RRN3: variants seen among roughly 807,000 people sequenced by gnomAD.
RRN3 encodes RNA polymerase I-specific transcription initiation factor RRN3.
Under a neutral mutation model 82.3 loss-of-function variants are expected in RRN3, and 38 were observed. That is an observed-to-expected ratio of 0.46 (90% CI 0.36 to 0.61). RRN3 has a LOEUF of 0.61. RRN3 is among the 20% of genes least tolerant of loss of function. RRN3 has a pLI of 0.00. For missense variants in RRN3, 726 were observed against 793.1 expected, an observed-to-expected ratio of 0.92 and a Z score of 1.02; for synonymous variants, 284 against 284.3, an observed-to-expected ratio of 1.00 and a Z score of 0.01.
At chr16:15,081,954 G>A (rs559125832) in intron 8 of RRN3, among the ~76,000 whole-genome samples, 2 of 152,276 alleles carry the variant, frequency 1.3e-5, no homozygotes, top group African/African-American at 4.8e-5. Flanking sequence ...GTTAGTGTAT[G>A]TTAGTCTTCT....
chr16:15,082,165 C>T (rs2045734140), intron 8 of RRN3, among the ~76,000 whole-genome samples: 1 of 152,114 alleles, frequency 6.6e-6, no homozygotes, highest in Admixed American at 6.5e-5. Flanking sequence ...TGTTCTTTGT[C>T]TTAGGAAAAA....
chr16:15,077,062 C>T (rs1382037736), intron 9 of RRN3, among the ~76,000 whole-genome samples: 2 of 150,962 alleles, frequency 1.3e-5, no homozygotes, highest in African/African-American at 4.9e-5. Flanking sequence ...TCACCGCAAA[C>T]TCCGCCCCCC....
intron 6 of RRN3, among the ~76,000 whole-genome samples, chr16:15,084,933 G>A (rs1233515104): frequency 1.3e-5 from 2 of 152,000 alleles, no homozygotes; most frequent in Non-Finnish European, 2.9e-5. Context: ...AGGCATGGTG[G>A]CAAATGCCTG....
intron 9 of RRN3, among the ~76,000 whole-genome samples, chr16:15,078,812 CTTTTTTTT>C (rs5816111): frequency 4.3e-5 from 5 of 117,640 alleles, no homozygotes; most frequent in South Asian, 2.8e-4. Flanking sequence ...GTATTTTTTT[CTTTTTTTT>C]TTTTTTTTTG....
chr16:15,068,416 C>T lies in RRN3; in HGVS notation c.1445-139G>A. ...TGCAGAAATGCTTTAAATAAAGGTC[C>T]ATGCAGATAGTCACACAGTATATGG... On this transcript the variant is annotated intron_variant, in intron 14 of 17. Coordinates refer to ENST00000198767, the MANE Select transcript of RRN3 (RefSeq NM_018427.5). 5.4e-6 allele frequency: 6 copies of T among 1,116,824 alleles called. No homozygotes were observed. The South Asian group carries it at 1.1e-4, about 20-fold the overall frequency. The allele number at this position is 1,116,824 out of a possible 1,614,324, so 69.2% of individuals were successfully genotyped here.
intron 9 of RRN3, among the ~76,000 whole-genome samples, chr16:15,078,368 C>T (rs1215988090): frequency 6.6e-6 from 1 of 152,074 alleles, no homozygotes; most frequent in Admixed American, 6.6e-5. Context: ...TGCTCCATCC[C>T]CTCCTTCCAC....
intron 7 of RRN3, 109 bp from the exon 8 acceptor site, chr16:15,083,691 C>A (rs1187891564): frequency 2.9e-5 from 43 of 1,470,786 alleles, no homozygotes; most frequent in Non-Finnish European, 3.5e-5. Flanking sequence ...AGGAGGCAAA[C>A]AGGAACCCCT....
At position 15,087,848 on chromosome 16, in the gene RRN3, C is replaced by G. The variant is rs1486722406; in HGVS notation, c.253-1394G>C. ...AAGTAAATCAGGCTGGGCGTGGTAG[C>G]TCATGTCTGTAATCCCAACACTTTG... On this transcript the variant is annotated intron_variant, in intron 3 of 17. Coordinates refer to ENST00000198767, the MANE Select transcript of RRN3 (RefSeq NM_018427.5). 2.0e-5 allele frequency among the ~76,000 whole-genome samples: 3 copies of G among 152,132 alleles called. No homozygotes were observed. In the East Asian group the frequency reaches 5.8e-4, roughly 29 times the overall value.
intron 14 of RRN3, among the ~76,000 whole-genome samples, chr16:15,068,924 A>G (rs190995224): frequency 3.2e-4 from 48 of 152,306 alleles, no homozygotes; most frequent in Admixed American, 1.4e-3. Context: ...TTTGATACGT[A>G]TTTCAATAAA....
In RRN3 at chr16:15,083,534, A is replaced by T; in HGVS notation, c.645T>A (p.Val215=). 1 of 1,608,670 alleles carries T rather than the reference A, an allele frequency of 6.2e-7. No homozygotes were observed. The highest frequency in any genetic ancestry group is 8.5e-7 in the Non-Finnish European group (1 of 1,179,020). The change falls in exon 8 of 18, where the codon GTT becomes GTA. Residue 215 remains valine (V), a synonymous_variant. Transcript: ENST00000198767. ...TTACCAGTGTTCTCTCTGATTTTCG[A>T]ACAAATGGAAATTTTTCCACCAGTA... ...MPILVEKFPF[V]RKSERTLECY... is the part of the protein sequence containing the mutation.
At chr16:15,084,864 G>C (rs1485381533) in intron 6 of RRN3, among the ~76,000 whole-genome samples, 159 bp from the exon 7 acceptor site, 1 of 152,048 alleles carries the variant, frequency 6.6e-6, no homozygotes, top group African/African-American at 2.4e-5. Flanking sequence ...TCAGGAGTTC[G>C]AGACCAGCCT....
Position 15,086,717 on chromosome 16 carries a change from T to C in RRN3, c.253-263A>G, listed in dbSNP as rs1274087381. On this transcript the variant is annotated intron_variant, in intron 3 of 17. Coordinates refer to ENST00000198767, the MANE Select transcript of RRN3 (RefSeq NM_018427.5). ...TCAGCCTGATCACTTCTGTTTGCCCTGAAAAAGCGAAATCACCTCAAATGT... is the reference window on the plus strand; with the variant it reads ...TCAGCCTGATCACTTCTGTTTGCCCCGAAAAAGCGAAATCACCTCAAATGT... Among the ~76,000 whole-genome samples, 5 of 152,330 alleles carry C rather than the reference T, an allele frequency of 3.3e-5. No individual in the cohort carries two copies. The East Asian group carries it at 7.7e-4, about 23-fold the overall frequency.
At chr16:15,085,293 T>G (rs2045873392) in intron 6 of RRN3, among the ~76,000 whole-genome samples, 1 of 151,688 alleles carries the variant, frequency 6.6e-6, no homozygotes, top group Admixed American at 6.6e-5. Flanking sequence ...GCAGTCTACT[T>G]ATTAGAATAG....
intron 9 of RRN3, among the ~76,000 whole-genome samples, chr16:15,078,948 A>G (rs1328514918): frequency 2.0e-5 from 3 of 151,472 alleles, no homozygotes; most frequent in African/African-American, 7.3e-5. Flanking sequence ...AGTAGCTGGG[A>G]CTATAGGTGC....
intron 1 of RRN3, 182 bp downstream of exon 1, chr16:15,093,963 C>A: frequency 1.6e-6 from 1 of 630,914 alleles, no homozygotes; most frequent in Non-Finnish European, 2.8e-6. Context: ...TTTCCAGGCC[C>A]CACCCATGTC....
Position 15,073,077 on chromosome 16 carries a change from T to C in RRN3, c.1001A>G (p.Lys334Arg). 6.2e-7 allele frequency: 1 copy of C among 1,604,436 alleles called. No individual in the cohort carries two copies. The highest frequency in any genetic ancestry group is 8.5e-7 in the Non-Finnish European group (1 of 1,177,930). The change falls in exon 12 of 18, where the codon AAG becomes AGG. Residue 334 changes from lysine to arginine, a missense_variant. By Grantham distance (26) the Lys-to-Arg change is conservative. Coordinates refer to ENST00000198767, the MANE Select transcript of RRN3 (RefSeq NM_018427.5). The part of the protein sequence containing the change: ...YMKDVCYVDG[K>R]VDNGKTKDLY... ...ATCCTTTGTTTTGCCGTTATCAACC[T>C]TACCTATGGAGAAAATCTGGCATCT...
chr16:15,071,549 C>A (rs551982266), intron 12 of RRN3, among the ~76,000 whole-genome samples: 3 of 152,258 alleles, frequency 2.0e-5, no homozygotes, highest in African/African-American at 7.2e-5. Context: ...GGGTGGATCA[C>A]CCAAGGTCAG....
At position 15,063,078 on chromosome 16, in the gene RRN3, C is replaced by T. The variant is rs187163932; in HGVS notation, c.1794+118G>A. The T allele has an allele frequency of 2.4e-5, 19 of 800,754 alleles. No individual in the cohort carries two copies. In the Admixed American group the frequency reaches 2.6e-4, roughly 11 times the overall value. 49.6% of individuals were successfully genotyped at this position (800,754 alleles called of 1,614,324 possible). ...AGGCTGGTCTCCAGCAATCCTCTGG[C>T]CTTGACCCCCTAAAGTGCGGGGATT... On this transcript the variant is annotated intron_variant, in intron 17 of 17. Transcript: ENST00000198767.
chr16:15,061,586 C>T lies in RRN3; in HGVS notation c.*158G>A, dbSNP rs753870507. 7.1e-5 allele frequency: 40 copies of T among 560,784 alleles called. 1 individual carries two copies. Among genetic ancestry groups the T allele is most frequent in the Non-Finnish European group, 1.1e-4 (36 of 322,386 alleles). The allele number at this position is 560,784 out of a possible 1,614,324, so 34.7% of individuals were successfully genotyped here. On this transcript the variant is annotated 3_prime_UTR_variant, in exon 18 of 18. Transcript: ENST00000198767. ...AACAACAACAAAAAAACCCAGTCTT[C>T]AGATGCTTGATTCAGTCGAACCTGG...
Sources: allele counts gnomAD v4.1 joint callset (sites outside exome capture counted in the v4.1 genomes callset), GRCh38; gene constraint gnomAD v4.1.1; transcripts MANE v1.5; gene names NCBI Gene and HGNC (gene_info 2026-07-23, HGNC 2026-07-21).